The following CRYZL1 variants were observed in gnomAD, a reference collection of about 807,000 sequenced individuals.
CRYZL1 encodes ferry endosomal RAB5 effector complex subunit 4.
In CRYZL1, 34 loss-of-function variants were observed where a neutral mutation model predicts 50.6. The observed-to-expected ratio is 0.67, with a 90% confidence interval of 0.51 to 0.89. The LOEUF is 0.89. Among genes scored for constraint, CRYZL1 ranks in the 40% least tolerant of loss-of-function variants. CRYZL1 has a pLI of 0.00. For missense variants in CRYZL1, 354 were observed against 402.3 expected, an observed-to-expected ratio of 0.88 and a Z score of 1.03; for synonymous variants, 125 against 134.3, an observed-to-expected ratio of 0.93 and a Z score of 0.48.
intron 1 of CRYZL1, among the ~76,000 whole-genome samples, chr21:33,635,546 G>C (rs2087196196): frequency 6.6e-6 from 1 of 151,156 alleles, no homozygotes; most frequent in East Asian, 1.9e-4. Context: ...AGTACAGACG[G>C]GGTTTCACCG....
intron 1 of CRYZL1, among the ~76,000 whole-genome samples, chr21:33,638,492 C>A (rs759124613): frequency 6.6e-6 from 1 of 152,168 alleles, no homozygotes; most frequent in Non-Finnish European, 1.5e-5. Flanking sequence ...GGATTACAGG[C>A]GTGAGCCACT....
At chr21:33,633,396 G>C (rs2087163518) in intron 1 of CRYZL1, among the ~76,000 whole-genome samples, 1 of 151,970 alleles carries the variant, frequency 6.6e-6, no homozygotes, top group Non-Finnish European at 1.5e-5. Flanking sequence ...GCTAACATTA[G>C]ATATATCAAT....
At position 33,589,595 on chromosome 21, in the gene CRYZL1, A is replaced by G; in HGVS notation, c.*227T>C. On this transcript the variant is annotated 3_prime_UTR_variant, in exon 13 of 13. Coordinates refer to ENST00000381554, the MANE Select transcript of CRYZL1 (RefSeq NM_145858.3). ...ATAGAAACAATGAAAAGGTTTTTAG[A>G]AAAATTCCCTTAAGATGTTAATTAT... 2.0e-6 allele frequency: 1 copy of G among 508,714 alleles called. No individual in the cohort carries two copies. The highest frequency in any genetic ancestry group is 3.5e-6 in the Non-Finnish European group (1 of 285,806). 31.5% of individuals were successfully genotyped at this position (508,714 alleles called of 1,614,324 possible).
intron 1 of CRYZL1, among the ~76,000 whole-genome samples, chr21:33,634,854 T>A (rs2087183959): frequency 6.9e-6 from 1 of 145,686 alleles, no homozygotes; most frequent in Non-Finnish European, 1.5e-5. Context: ...GTACCCCTAG[T>A]ATCCCTTAAA....
chr21:33,591,259 C>T, intron 11 of CRYZL1, 52 bp from the exon 12 acceptor site: 1 of 1,457,624 alleles, frequency 6.9e-7, no homozygotes, highest in Non-Finnish European at 9.6e-7. Flanking sequence ...TAAATAAAAC[C>T]ATTCAATAAG....
At chr21:33,611,911 T>G (rs1409902129) in intron 6 of CRYZL1, among the ~76,000 whole-genome samples, 1 of 152,234 alleles carries the variant, frequency 6.6e-6, no homozygotes, top group East Asian at 1.9e-4. Context: ...TGTATTCTTC[T>G]GTAACTTGCT....
chr21:33,626,548 A>G (rs1325141322), intron 2 of CRYZL1, among the ~76,000 whole-genome samples: 1 of 151,672 alleles, frequency 6.6e-6, no homozygotes, highest in African/African-American at 2.4e-5. Context: ...AATACAAAAA[A>G]TAGCTGGGCA....
In CRYZL1 at chr21:33,637,270, C is replaced by G. The variant is rs543710544; in HGVS notation, c.-7+4411G>C. Among the ~76,000 whole-genome samples the G allele has an allele frequency of 2.4e-3, 369 of 151,948 alleles. 1 individual carries two copies. Among genetic ancestry groups the G allele is most frequent in the Middle Eastern group, 6.8e-3 (2 of 294 alleles). ...ACTATCCTGGCTAACACGGTGAAAC[C>G]CCGTCTCTACTAAAAATACAAAAAA... On this transcript the variant is annotated intron_variant, in intron 1 of 12. Coordinates refer to ENST00000381554, the MANE Select transcript of CRYZL1 (RefSeq NM_145858.3).
chr21:33,614,394 CAGG>C (rs2086905418), intron 5 of CRYZL1, among the ~76,000 whole-genome samples: 1 of 152,036 alleles, frequency 6.6e-6, no homozygotes, highest in Admixed American at 6.6e-5. Flanking sequence ...GAGGCTGAGG[CAGG>C]AGGACTGCTT....
intron 4 of CRYZL1, chr21:33,617,070 T>TGCAG: frequency 5.8e-6 from 1 of 173,766 alleles, no homozygotes; most frequent in Non-Finnish European, 1.2e-5. Context: ...CAGGCTGGAG[T>TGCAG]TTGTGGCACG....
chr21:33,597,235 C>A (rs1220037520), intron 10 of CRYZL1, 45 bp downstream of exon 10: 26 of 1,587,412 alleles, frequency 1.6e-5, no homozygotes, highest in Non-Finnish European at 2.1e-5. Flanking sequence ...TTGTTAATTA[C>A]ACCCCTTTGG....
intron 1 of CRYZL1, among the ~76,000 whole-genome samples, chr21:33,635,966 C>G (rs1601353307): frequency 6.6e-6 from 1 of 151,486 alleles, no homozygotes; most frequent in Non-Finnish European, 1.5e-5. Context: ...GGCAACACAG[C>G]GAGGCTTTGT....
chr21:33,606,558 G>A (rs956109191), intron 6 of CRYZL1, among the ~76,000 whole-genome samples: 5 of 151,246 alleles, frequency 3.3e-5, no homozygotes, highest in Non-Finnish European at 7.4e-5. Context: ...CCCAGGAGAT[G>A]GAGGTTGCGG....
intron 6 of CRYZL1, among the ~76,000 whole-genome samples, chr21:33,613,096 G>T (rs1304607221): frequency 6.6e-6 from 1 of 152,176 alleles, no homozygotes; most frequent in Non-Finnish European, 1.5e-5. Flanking sequence ...AAAGTGCTGG[G>T]ATTACAGGTG....
chr21:33,602,285 C>T lies in CRYZL1; in HGVS notation c.526G>A (p.Ala176Thr). The T allele has an allele frequency of 6.2e-7, 1 of 1,612,646 alleles. No individual in the cohort carries two copies. The highest frequency in any genetic ancestry group is 8.5e-7 in the Non-Finnish European group (1 of 1,178,690). ...CACTGCTTATCTTCAAGGCTGCATG[C>T]TGTTGAAATCACTTTGGCTCCTCTA... ...HHRGAKVIST[A>T]CSLEDKQCLE... Residue 176 changes from alanine (A) to threonine (T), a missense_variant, in exon 8 of 13, where the codon GCA (alanine) becomes ACA (threonine). By Grantham distance (58) the Ala-to-Thr change is moderately conservative. Transcript: ENST00000381554.
chr21:33,634,067 A>G lies in CRYZL1; in HGVS notation c.-6-2510T>C, dbSNP rs947897580. ...AAATGAATACACATTCAAGACATAT[A>G]TAGAAATTACGTATGTAGCATGTAT... On this transcript the variant is annotated intron_variant, in intron 1 of 12. Coordinates refer to ENST00000381554, the MANE Select transcript of CRYZL1 (RefSeq NM_145858.3). 3.3e-5 allele frequency among the ~76,000 whole-genome samples: 5 copies of G among 152,258 alleles called. No homozygotes were observed. In the East Asian group the frequency reaches 9.6e-4, roughly 29 times the overall value.
intron 1 of CRYZL1, among the ~76,000 whole-genome samples, chr21:33,632,185 A>T (rs1324989690): frequency 6.7e-6 from 1 of 148,714 alleles, no homozygotes; most frequent in Admixed American, 6.7e-5. Flanking sequence ...AAAAAAAATT[A>T]GCCAGGTGTG....
chr21:33,611,260 G>A (rs897480372), intron 6 of CRYZL1, among the ~76,000 whole-genome samples: 6 of 152,140 alleles, frequency 3.9e-5, no homozygotes, highest in African/African-American at 7.2e-5. Context: ...CTCTCACTGC[G>A]TGGTATTTGA....
intron 2 of CRYZL1, among the ~76,000 whole-genome samples, chr21:33,630,231 G>C (rs1275850192): frequency 6.6e-6 from 1 of 152,090 alleles, no homozygotes; most frequent in Non-Finnish European, 1.5e-5. Flanking sequence ...ACCACTGGTG[G>C]TCATGTAAAT....
Sources: allele counts gnomAD v4.1 joint callset (sites outside exome capture counted in the v4.1 genomes callset), GRCh38; gene constraint gnomAD v4.1.1; transcripts MANE v1.5; gene names NCBI Gene and HGNC (gene_info 2026-07-23, HGNC 2026-07-21).